CACNA2D2: variants seen among roughly 807,000 people sequenced by gnomAD.
CACNA2D2 encodes the protein voltage-dependent calcium channel subunit alpha-2/delta-2.
CACNA2D2 carries 48 observed loss-of-function variants against 166.4 expected under a neutral mutation model. The ratio of observed to expected loss-of-function variants is 0.29; its 90% CI spans 0.23 to 0.37. The LOEUF is 0.37. Among genes scored for constraint, CACNA2D2 ranks in the 10% least tolerant of loss-of-function variants. The pLI is 1.00. For missense variants in CACNA2D2, 1,122 were observed against 1,433.0 expected (o/e 0.78, Z 3.50); for synonymous variants, 561 against 573.7 (o/e 0.98, Z 0.32).
In CACNA2D2 at chr3:50,365,326, T is replaced by C; in HGVS notation, c.3098+30A>G. On this transcript the variant is annotated intron_variant, in intron 35 of 37. Transcript: ENST00000424201. The surrounding 1 kb of genome is among the most constrained non-coding windows in gnomAD (Gnocchi z 4.5). ...TCGCCCCGCTCACAGGTTCCGCCCT[T>C]GGCCTCTGGTCCCGCCCCACTGCCA... The C allele has an allele frequency of 1.2e-6, 2 of 1,607,362 alleles. No homozygotes were observed. The highest frequency in any genetic ancestry group is 1.7e-6 in the Non-Finnish European group (2 of 1,177,210).
chr3:50,366,737 G>A lies in CACNA2D2; in HGVS notation c.2589+94C>T. The A allele has an allele frequency of 6.5e-7, 1 of 1,547,846 alleles. No individual in the cohort carries two copies. On this transcript the variant is annotated intron_variant, in intron 29 of 37. Coordinates refer to ENST00000424201, the MANE Select transcript of CACNA2D2 (RefSeq NM_006030.4). This position sits in a 1 kb window ranked among gnomAD's most constrained non-coding sequence, Gnocchi z 5.9. The stretch of plus-strand genomic sequence containing the variant: ...CTGCAGCTGGCCCTGCCTCCATGTA[G>A]GTGTTGGAGCCACTGAGTGGAGGGT...
intron 5 of CACNA2D2, among the ~76,000 whole-genome samples, chr3:50,386,669 G>A (rs1705624087): frequency 6.6e-6 from 1 of 152,120 alleles, no homozygotes; most frequent in Non-Finnish European, 1.5e-5. Flanking sequence ...ACCTCCTGGT[G>A]TCATTGGGTA....
chr3:50,402,839 T>C (rs1481258871), intron 3 of CACNA2D2, among the ~76,000 whole-genome samples: 1 of 152,186 alleles, frequency 6.6e-6, no homozygotes, highest in Non-Finnish European at 1.5e-5. Context: ...ATTTCTCTCA[T>C]CCTTAGAAAA....
At chr3:50,501,169 G>C (rs61018691) in intron 1 of CACNA2D2, among the ~76,000 whole-genome samples, 17,560 of 152,166 alleles carry the variant, frequency 0.12, 1,156 homozygotes, top group Non-Finnish European at 0.14. Context: ...CTTCTGGCCC[G>C]AACAACAGCC....
chr3:50,363,376 G>A lies in CACNA2D2; in HGVS notation c.*1290C>T, dbSNP rs896933399. 1 of 397,750 alleles carries A rather than the reference G, an allele frequency of 2.5e-6. No homozygotes were observed. Among genetic ancestry groups the A allele is most frequent in the Non-Finnish European group, 4.4e-6 (1 of 225,952 alleles). The allele number at this position is 397,750 out of a possible 1,614,324, so 24.6% of individuals were successfully genotyped here. On this transcript the variant is annotated 3_prime_UTR_variant, in exon 38 of 38. Coordinates refer to ENST00000424201, the MANE Select transcript of CACNA2D2 (RefSeq NM_006030.4). Reference sequence around the variant, plus strand: ...CTGAGCCCCATCACTATATCCCCTTGCCCTCAGTTCCCCACTGGCCCCCAG... The same window carrying A: ...CTGAGCCCCATCACTATATCCCCTTACCCTCAGTTCCCCACTGGCCCCCAG...
intron 2 of CACNA2D2, among the ~76,000 whole-genome samples, chr3:50,466,226 G>T (rs569474670): frequency 2.6e-5 from 4 of 152,186 alleles, no homozygotes; most frequent in African/African-American, 9.7e-5. Flanking sequence ...CAGACAGAGT[G>T]ACTGGGGGGA....
At chr3:50,393,362 G>T (rs901951424) in intron 4 of CACNA2D2, among the ~76,000 whole-genome samples, 3 of 152,192 alleles carry the variant, frequency 2.0e-5, no homozygotes, top group African/African-American at 7.2e-5. Context: ...GTTCTCAAGG[G>T]TTCCATCATC....
intron 2 of CACNA2D2, among the ~76,000 whole-genome samples, chr3:50,448,070 C>T (rs1708934384): frequency 6.6e-6 from 1 of 152,132 alleles, no homozygotes; most frequent in African/African-American, 2.4e-5. Context: ...GCTATCACTT[C>T]CCCCTACCCT....
At chr3:50,468,338 T>A (rs1333081159) in intron 2 of CACNA2D2, among the ~76,000 whole-genome samples, 5 of 149,464 alleles carry the variant, frequency 3.3e-5, no homozygotes, top group Non-Finnish European at 7.4e-5. Context: ...AAGGCCAGCC[T>A]CCCTAGGGAC....
rs531176640 is a variant in CACNA2D2 at position 50,492,616 on chromosome 3, C to T, written c.206+10602G>A. On this transcript the variant is annotated intron_variant, in intron 1 of 37. Coordinates refer to ENST00000424201, the MANE Select transcript of CACNA2D2 (RefSeq NM_006030.4). ...ATCCATGACACAAGTAAGGGTGGGG[C>T]TGTTCTACTGGGAGGGGGATTGGGA... is the stretch of plus-strand genomic sequence containing the variant. Among the ~76,000 whole-genome samples the T allele has an allele frequency of 7.7e-4, 117 of 152,318 alleles. 1 individual carries two copies. Among genetic ancestry groups the T allele is most frequent in the African/African-American group, 2.1e-3 (87 of 41,582 alleles).
intron 2 of CACNA2D2, among the ~76,000 whole-genome samples, chr3:50,447,646 G>A (rs1320637977): frequency 2.0e-5 from 3 of 152,156 alleles, no homozygotes; most frequent in Non-Finnish European, 4.4e-5. Context: ...GGGCGTGACT[G>A]GGGCAAGTGG....
At chr3:50,393,791 A>G (rs1023162888) in intron 4 of CACNA2D2, among the ~76,000 whole-genome samples, 1 of 152,172 alleles carries the variant, frequency 6.6e-6, no homozygotes, top group Non-Finnish European at 1.5e-5. Flanking sequence ...CTGAAGTCCA[A>G]AGGCCTCTGA....
At chr3:50,396,023 G>A (rs1490150244) in intron 3 of CACNA2D2, among the ~76,000 whole-genome samples, 4 of 152,086 alleles carry the variant, frequency 2.6e-5, no homozygotes, top group African/African-American at 9.7e-5. Context: ...CTGCTTGGCT[G>A]GGACCCACAC....
intron 2 of CACNA2D2, among the ~76,000 whole-genome samples, chr3:50,458,773 C>G (rs1218569890): frequency 6.6e-6 from 1 of 152,352 alleles, no homozygotes; most frequent in South Asian, 2.1e-4. Flanking sequence ...GATTGACTTA[C>G]CAGGCCCTGG....
intron 4 of CACNA2D2, among the ~76,000 whole-genome samples, chr3:50,388,743 T>G (rs1705733346): frequency 6.6e-6 from 1 of 152,240 alleles, no homozygotes; most frequent in Non-Finnish European, 1.5e-5. Context: ...GAAAGGGGCC[T>G]GGCTGTGGTG....
chr3:50,467,550 C>T (rs1709874182), intron 2 of CACNA2D2, among the ~76,000 whole-genome samples: 2 of 152,172 alleles, frequency 1.3e-5, no homozygotes, highest in South Asian at 4.1e-4. Context: ...ATGTGTACCC[C>T]ACAGGCATAC....
intron 2 of CACNA2D2, among the ~76,000 whole-genome samples, chr3:50,469,586 A>G (rs543804229): frequency 1.3e-5 from 2 of 152,192 alleles, no homozygotes; most frequent in Admixed American, 1.3e-4. Flanking sequence ...CTAGGTCTGC[A>G]GCCGTTCCTT....
At chr3:50,411,960 C>G (rs1707040047) in intron 3 of CACNA2D2, among the ~76,000 whole-genome samples, 2 of 152,176 alleles carry the variant, frequency 1.3e-5, no homozygotes, top group African/African-American at 4.8e-5. Flanking sequence ...TCCTGGAAAT[C>G]CCCCCACAAC....
chr3:50,493,581 C>T (rs1698603961), intron 1 of CACNA2D2, among the ~76,000 whole-genome samples: 1 of 152,200 alleles, frequency 6.6e-6, no homozygotes. Flanking sequence ...GCAGCCGCAT[C>T]ACACACCTGT....
Sources: gnomAD v4.1 joint callset for allele counts (sites outside exome capture counted in the v4.1 genomes callset) on GRCh38, gnomAD v4.1.1 for gene constraint, Gnocchi (gnomAD v3.1) non-coding constraint, MANE v1.5 for transcripts, NCBI Gene and HGNC (gene_info 2026-07-23, HGNC 2026-07-21) for gene names.